ZYX: variants seen among roughly 807,000 people sequenced by gnomAD.
ZYX encodes the protein zyxin-2.
In ZYX, 37 loss-of-function variants were observed where a neutral mutation model predicts 58.1. That is an observed-to-expected ratio of 0.64 (90% CI 0.49 to 0.84). The LOEUF (loss-of-function observed/expected upper bound fraction) is 0.84. Among genes scored for constraint, ZYX ranks in the 40% least tolerant of loss-of-function variants. The pLI is 0.00. For missense variants in ZYX, 762 were observed against 761.6 expected, an observed-to-expected ratio of 1.00 and a Z score of -0.01; for synonymous variants, 324 against 321.1, an observed-to-expected ratio of 1.01 and a Z score of -0.10.
intron 5 of ZYX, among the ~76,000 whole-genome samples, chr7:143,383,720 C>T (rs1394980144): frequency 6.6e-6 from 1 of 152,222 alleles, no homozygotes; most frequent in African/African-American, 2.4e-5. Context: ...ACTCTTTCTG[C>T]CTGAGGGCTT....
intron 5 of ZYX, among the ~76,000 whole-genome samples, chr7:143,385,975 T>TGTGTGTGTGTGGTATGGTATATGTGTGA: frequency 4.6e-5 from 7 of 151,264 alleles, no homozygotes; most frequent in Admixed American, 4.6e-4. Context: ...GTGAGTGGTG[T>TGTGTGTGTGTGGTATGGTATATGTGTGA]GTGTGTGTGT....
In ZYX at chr7:143,390,114, C is replaced by A; in HGVS notation, c.1614+137C>A. The A allele has an allele frequency of 7.8e-7, 1 of 1,281,460 alleles. No individual in the cohort carries two copies. Among genetic ancestry groups the A allele is most frequent in the East Asian group, 2.4e-5 (1 of 41,626 alleles). 79.4% of individuals were successfully genotyped at this position (1,281,460 alleles called of 1,614,324 possible). A position where few individuals can be genotyped will look rare whatever the true frequency, so the allele number is the denominator to read the frequency against. On this transcript the variant is annotated intron_variant, in intron 9 of 9. Transcript: ENST00000322764. This position sits in a 1 kb window ranked among gnomAD's most constrained non-coding sequence, Gnocchi z 4.3. The stretch of plus-strand genomic sequence containing the variant: ...TTTTGAGGGTGGCTCATGGTGGCAC[C>A]CCATCTGTCCTGCCAGAATGCTTCC...
chr7:143,382,105 GC>G, intron 2 of ZYX, 142 bp from the exon 3 acceptor site: 1 of 621,176 alleles, frequency 1.6e-6, no homozygotes, highest in East Asian at 5.2e-5. Context: ...CTCCCAGGGC[GC>G]CCTGCGCCCC....
rs1053395201 is a variant in ZYX, at chr7:143,387,428, C to A, written c.1024-791C>A. On this transcript the variant is annotated intron_variant, in intron 5 of 9. Transcript: ENST00000322764. This position sits in a 1 kb window ranked among gnomAD's most constrained non-coding sequence, Gnocchi z 5.8. ...AGAAAAGACCCACCCAGTGCACTTG[C>A]TCCTGTGGGCGTGTCTCCCGGCAGT... Among the ~76,000 whole-genome samples, 2 of 152,176 alleles carry A rather than the reference C, an allele frequency of 1.3e-5. No homozygotes were observed. Among genetic ancestry groups the A allele is most frequent in the Non-Finnish European group, 2.9e-5 (2 of 68,018 alleles).
chr7:143,383,121 T>C lies in ZYX; in HGVS notation c.822T>C (p.Thr274=). 2 of 1,614,230 alleles carry C rather than the reference T, an allele frequency of 1.2e-6. No individual in the cohort carries two copies. The highest frequency in any genetic ancestry group is 2.2e-5 in the South Asian group (2 of 91,086). The change falls in exon 5 of 10, where the codon ACT becomes ACC. Residue 274 remains threonine (T), a synonymous_variant. Coordinates refer to ENST00000322764, the MANE Select transcript of ZYX (RefSeq NM_003461.5). ...TTTCTCCAGTGACTCCTAAGTTTAC[T>C]CCTGTGGCTTCCAAGTTCAGTCCTG... ...PKFSPVTPKF[T]PVASKFSPGA... is the part of the protein sequence containing the mutation.
Position 143,388,226 on chromosome 7 carries a change from C to T in ZYX, c.1031C>T (p.Ser344Phe), listed in dbSNP as rs1429219941. The change falls in exon 6 of 10, where the codon TCC becomes TTC. Residue 344 changes from serine (S) to phenylalanine (F), a missense_variant. Physicochemically the swap from Ser to Phe is radical, Grantham distance 155 (BLOSUM62 -2). Coordinates refer to ENST00000322764, the MANE Select transcript of ZYX (RefSeq NM_003461.5). This position sits in a 1 kb window ranked among gnomAD's most constrained non-coding sequence, Gnocchi z 7.5. ...PPAQNQNQVR[S>F]PGAPGPLTLK... ...AAAATGTTGGGATTGCAGGTGCGCT[C>T]CCCTGGGGCCCCAGGGCCCCTGACT... is the stretch of plus-strand genomic sequence containing the variant. 5 of 1,604,844 alleles carry T rather than the reference C, an allele frequency of 3.1e-6. No homozygotes were observed. The South Asian group carries it at 5.5e-5, about 18-fold the overall frequency.
At position 143,381,753 on chromosome 7, in the gene ZYX, G is replaced by A; in HGVS notation, c.182G>A (p.Gly61Asp). 6.3e-7 allele frequency: 1 copy of A among 1,586,520 alleles called. No homozygotes were observed. The highest frequency in any genetic ancestry group is 8.6e-7 in the Non-Finnish European group (1 of 1,166,676). ...CAGCGCGCACAGATGGGCCGGGTGG[G>A]CGAGATTCCCCCGCCGCCCCCGGAA... ...GAQRAQMGRVGEIPPPPPEDF... is the reference protein window; with the variant it reads ...GAQRAQMGRVDEIPPPPPEDF... The change falls in exon 2 of 10, where the codon GGC (glycine) becomes GAC (aspartate). Residue 61 changes from glycine to aspartate, a missense_variant. By Grantham distance (94) the Gly-to-Asp change is moderately conservative. Coordinates refer to ENST00000322764, the MANE Select transcript of ZYX (RefSeq NM_003461.5).
In ZYX at chr7:143,389,042, G is replaced by T; in HGVS notation, c.1493+97G>T. The T allele has an allele frequency of 7.7e-6, 11 of 1,424,460 alleles. No homozygotes were observed. Among genetic ancestry groups the T allele is most frequent in the Non-Finnish European group, 1.0e-5 (11 of 1,057,988 alleles). The allele number at this position is 1,424,460 out of a possible 1,614,324, so 88.2% of individuals were successfully genotyped here. On this transcript the variant is annotated intron_variant, in intron 8 of 9. Transcript: ENST00000322764. This position sits in a 1 kb window ranked among gnomAD's most constrained non-coding sequence, Gnocchi z 5.6. Reference sequence around the variant, plus strand: ...GCCTCAGGACAGCCCCAAACCCCTGGTGGTGTTTTCTGGTCCCATGTCCTG... The same window carrying T: ...GCCTCAGGACAGCCCCAAACCCCTGTTGGTGTTTTCTGGTCCCATGTCCTG...
chr7:143,385,660 C>CT (rs59995035), intron 5 of ZYX, among the ~76,000 whole-genome samples: 3,040 of 68,962 alleles, frequency 0.044, 476 homozygotes, highest in East Asian at 0.33. Context: ...TGTGGTATAT[C>CT]TTTTTTTTTT....
chr7:143,383,427 CG>C, intron 5 of ZYX, 105 bp downstream of exon 5: 1 of 1,034,426 alleles, frequency 9.7e-7, no homozygotes. Flanking sequence ...AGGGTGGACA[CG>C]GGGGTTGCGG....
Position 143,384,045 on chromosome 7 carries a change from T to C in ZYX, c.1023+723T>C. Reference sequence around the variant, plus strand: ...GGTTCTGTATCTAGTACAGGAATGCTCAAAATAGAAAAGCTGTAATTACAA... The same window carrying C: ...GGTTCTGTATCTAGTACAGGAATGCCCAAAATAGAAAAGCTGTAATTACAA... On this transcript the variant is annotated intron_variant, in intron 5 of 9. Coordinates refer to ENST00000322764, the MANE Select transcript of ZYX (RefSeq NM_003461.5). This position sits in a 1 kb window ranked among gnomAD's most constrained non-coding sequence, Gnocchi z 4.9. 2.5e-6 allele frequency: 1 copy of C among 398,410 alleles called. No individual in the cohort carries two copies. The highest frequency in any genetic ancestry group is 5.1e-6 in the Non-Finnish European group (1 of 195,434). 24.7% of individuals were successfully genotyped at this position (398,410 alleles called of 1,614,324 possible). A position where few individuals can be genotyped will look rare whatever the true frequency, so the allele number is the denominator to read the frequency against.
Position 143,381,550 on chromosome 7 carries a change from A to AT in ZYX, c.-15-7_-15-6insT. 5 of 1,603,942 alleles carry AT rather than the reference A, an allele frequency of 3.1e-6. No individual in the cohort carries two copies. Among genetic ancestry groups the AT allele is most frequent in the Non-Finnish European group, 3.4e-6 (4 of 1,175,704 alleles). ...TCCGCGCTGCGTAACCCGGCGACCC[A>AT]CCCCAGCAGCCCGGCCCGGCCATGG... is the stretch of plus-strand genomic sequence containing the variant. On this transcript the variant is annotated splice_polypyrimidine_tract_variant and splice_region_variant and intron_variant, in intron 1 of 9. Coordinates refer to ENST00000322764, the MANE Select transcript of ZYX (RefSeq NM_003461.5).
At chr7:143,386,054 T>G (rs2116580917) in intron 5 of ZYX, among the ~76,000 whole-genome samples, 1 of 150,556 alleles carries the variant, frequency 6.6e-6, no homozygotes, top group South Asian at 2.1e-4. Context: ...GTGGTGTATG[T>G]GTGTGGTCTG....
chr7:143,389,572 A>T lies in ZYX; in HGVS notation c.1494-285A>T, dbSNP rs1804995859. Among the ~76,000 whole-genome samples, 1 of 152,200 alleles carries T rather than the reference A, an allele frequency of 6.6e-6. No individual in the cohort carries two copies. The highest frequency in any genetic ancestry group is 2.4e-5 in the African/African-American group (1 of 41,454). ...GGGTACCTCAGGGCTGGCTTTCTGC[A>T]GGAGCTGCAGTGTGAATGGGACAGT... On this transcript the variant is annotated intron_variant, in intron 8 of 9. Coordinates refer to ENST00000322764, the MANE Select transcript of ZYX (RefSeq NM_003461.5). This position sits in a 1 kb window ranked among gnomAD's most constrained non-coding sequence, Gnocchi z 5.6.
At position 143,382,868 on chromosome 7, in the gene ZYX, C is replaced by T. The variant is rs551274529; in HGVS notation, c.569C>T (p.Ala190Val). ...PFSSKSSTKP[A>V]AGGTAPLPPW... Reference sequence around the variant, plus strand: ...AGTTCCAAGTCCAGTACCAAGCCTGCAGCCGGGGGCACAGCACCCCTGCCT... The same window carrying T: ...AGTTCCAAGTCCAGTACCAAGCCTGTAGCCGGGGGCACAGCACCCCTGCCT... The change falls in exon 5 of 10, where the codon GCA becomes GTA. Residue 190 changes from alanine (A) to valine (V), a missense_variant. Ala to Val is a moderately conservative substitution (Grantham distance 64). Coordinates refer to ENST00000322764, the MANE Select transcript of ZYX (RefSeq NM_003461.5). 4 of 1,612,384 alleles carry T rather than the reference C, an allele frequency of 2.5e-6. No homozygotes were observed. Among genetic ancestry groups the T allele is most frequent in the Non-Finnish European group, 3.4e-6 (4 of 1,179,232 alleles).
rs146983863 is a variant in ZYX at position 143,388,871 on chromosome 7, C to T, written c.1419C>T (p.Cys473=). Residue 473 remains cysteine (C), a synonymous_variant, in exon 8 of 10, where the codon TGC becomes TGT. Coordinates refer to ENST00000322764, the MANE Select transcript of ZYX (RefSeq NM_003461.5). The surrounding 1 kb of genome is among the most constrained non-coding windows in gnomAD (Gnocchi z 7.5). ...CGCACTGCTTCACCTGTGTGGTCTG[C>T]GCCCGCCCCCTGGAGGGCACCTCCT... The part of the protein sequence containing the change: ...YHPHCFTCVV[C]ARPLEGTSFI... 791 of 1,613,860 alleles carry T rather than the reference C, an allele frequency of 4.9e-4. 2 individuals carry two copies. The African/African-American group carries it at 9.3e-3, about 19-fold the overall frequency.
Position 143,389,789 on chromosome 7 carries a change from G to A in ZYX, c.1494-68G>A. Reference sequence around the variant, plus strand: ...GTCTGCTTCCTTGCTGCCCAACCTGGCTTATGCGTGCGCACACCGGGGATG... The same window carrying A: ...GTCTGCTTCCTTGCTGCCCAACCTGACTTATGCGTGCGCACACCGGGGATG... On this transcript the variant is annotated intron_variant, in intron 8 of 9. Coordinates refer to ENST00000322764, the MANE Select transcript of ZYX (RefSeq NM_003461.5). The surrounding 1 kb of genome is among the most constrained non-coding windows in gnomAD (Gnocchi z 5.6). 1.3e-6 allele frequency: 2 copies of A among 1,592,906 alleles called. No homozygotes were observed. The highest frequency in any genetic ancestry group is 1.3e-5 in the African/African-American group (1 of 74,720).
In ZYX at chr7:143,388,420, G is replaced by C; in HGVS notation, c.1145-69G>C. 3.7e-6 allele frequency: 6 copies of C among 1,605,974 alleles called. No homozygotes were observed. The highest frequency in any genetic ancestry group is 5.1e-6 in the Non-Finnish European group (6 of 1,174,318). On this transcript the variant is annotated intron_variant, in intron 6 of 9. Transcript: ENST00000322764. This position sits in a 1 kb window ranked among gnomAD's most constrained non-coding sequence, Gnocchi z 7.5. Reference sequence around the variant, plus strand: ...AGGGCTGTGGCTCCACTCCCTATCTGAGCTGGCTGATCCCTCGCAGCTCTA... The same window carrying C: ...AGGGCTGTGGCTCCACTCCCTATCTCAGCTGGCTGATCCCTCGCAGCTCTA...
Position 143,389,046 on chromosome 7 carries a change from T to A in ZYX, c.1493+101T>A, listed in dbSNP as rs1804975276. ...CAGGACAGCCCCAAACCCCTGGTGGTGTTTTCTGGTCCCATGTCCTGTCTG... is the reference window on the plus strand; with the variant it reads ...CAGGACAGCCCCAAACCCCTGGTGGAGTTTTCTGGTCCCATGTCCTGTCTG... On this transcript the variant is annotated intron_variant, in intron 8 of 9. Coordinates refer to ENST00000322764, the MANE Select transcript of ZYX (RefSeq NM_003461.5). This position sits in a 1 kb window ranked among gnomAD's most constrained non-coding sequence, Gnocchi z 5.6. 6 of 1,366,114 alleles carry A rather than the reference T, an allele frequency of 4.4e-6. No homozygotes were observed. Among genetic ancestry groups the A allele is most frequent in the Non-Finnish European group, 6.0e-6 (6 of 1,006,828 alleles). 84.6% of individuals were successfully genotyped at this position (1,366,114 alleles called of 1,614,324 possible).
Sources: allele counts gnomAD v4.1 joint callset (sites outside exome capture counted in the v4.1 genomes callset), GRCh38; gene constraint gnomAD v4.1.1; non-coding constraint Gnocchi (gnomAD v3.1); transcripts MANE v1.5; gene names NCBI Gene and HGNC (gene_info 2026-07-23, HGNC 2026-07-21).